MARCHF1: variants seen among roughly 807,000 people sequenced by gnomAD.
The protein encoded by MARCHF1 is membrane associated ring-CH-type finger 1.
In MARCHF1, 40 loss-of-function variants were observed where a neutral mutation model predicts 54.2. The observed-to-expected ratio is 0.74, with a 90% CI of 0.57 to 0.96. The LOEUF (loss-of-function observed/expected upper bound fraction) is 0.96, where lower values mean the gene tolerates loss of function less well. MARCHF1 is among the 40% of genes least tolerant of loss of function. The pLI, the probability that MARCHF1 is intolerant of heterozygous loss-of-function variation, is 0.00. For synonymous variants in MARCHF1, 236 were observed against 236.3 expected (o/e 1.00, Z 0.01); for missense variants, 586 against 656.5 (o/e 0.89, Z 1.17).
intron 4 of MARCHF1, among the ~76,000 whole-genome samples, chr4:163,852,949 G>T (rs1749680271): frequency 6.6e-6 from 1 of 152,050 alleles, no homozygotes; most frequent in African/African-American, 2.4e-5. Context: ...AGAAGCCTGA[G>T]GGAGCTTGTT....
At position 163,526,433 on chromosome 4, in the gene MARCHF1, A is replaced by G. The variant is rs1437691641; in HGVS notation, c.*2315T>C. The G allele has an allele frequency of 6.6e-6, 1 of 152,086 alleles. No homozygotes were observed. Among genetic ancestry groups the G allele is most frequent in the Non-Finnish European group, 1.5e-5 (1 of 67,966 alleles). 9.4% of individuals were successfully genotyped at this position (152,086 alleles called of 1,614,324 possible). On this transcript the variant is annotated 3_prime_UTR_variant, in exon 10 of 10. Transcript: ENST00000514618. ...GGTGTCTGGATGTTTTTCCCCGGGA[A>G]TATCTGTAAGCAGCATGTTGCCATT...
At chr4:163,632,469 CA>C (rs1296209749) in intron 5 of MARCHF1, among the ~76,000 whole-genome samples, 1 of 152,174 alleles carries the variant, frequency 6.6e-6, no homozygotes, top group Admixed American at 6.5e-5. Context: ...CTTTCCTAAT[CA>C]AAGAAAGGGG....
intron 1 of MARCHF1, among the ~76,000 whole-genome samples, chr4:164,196,028 A>G (rs1411872917): frequency 6.6e-6 from 1 of 152,204 alleles, no homozygotes; most frequent in African/African-American, 2.4e-5. Context: ...CATTATATTC[A>G]TGAATGCCTT....
chr4:163,702,060 C>A (rs1353436024), intron 4 of MARCHF1, among the ~76,000 whole-genome samples: 2 of 152,214 alleles, frequency 1.3e-5, no homozygotes, highest in African/African-American at 2.4e-5. Context: ...TGCAAACTGT[C>A]ACTGTGTCAT....
At chr4:163,933,837 C>A (rs888108645) in intron 3 of MARCHF1, among the ~76,000 whole-genome samples, 1 of 152,170 alleles carries the variant, frequency 6.6e-6, no homozygotes, top group African/African-American at 2.4e-5. Flanking sequence ...ATATCTGTGG[C>A]AACAGGGACT....
chr4:163,769,385 A>C (rs1228854958), intron 4 of MARCHF1, among the ~76,000 whole-genome samples: 1 of 152,150 alleles, frequency 6.6e-6, no homozygotes, highest in African/African-American at 2.4e-5. Context: ...TATAAAATTG[A>C]ATGTTTTCCA....
intron 2 of MARCHF1, among the ~76,000 whole-genome samples, chr4:164,033,334 T>G (rs1159225847): frequency 1.3e-5 from 2 of 151,984 alleles, no homozygotes; most frequent in Non-Finnish European, 2.9e-5. Flanking sequence ...AGAAGAAAAC[T>G]GAGGCAATAC....
chr4:163,912,437 T>C lies in MARCHF1; in HGVS notation c.-38-58268A>G, dbSNP rs546363535. Among the ~76,000 whole-genome samples, 3 of 152,260 alleles carry C rather than the reference T, an allele frequency of 2.0e-5. No individual in the cohort carries two copies. In the South Asian group the frequency reaches 6.2e-4, roughly 32 times the overall value. On this transcript the variant is annotated intron_variant, in intron 3 of 9. Transcript: ENST00000514618. ...ATTTATTCAGAGCACTATAGGTAGC[T>C]CCGTGGGATGGGAAGGGAGGGACAC...
At chr4:163,564,776 G>A (rs1739588885) in intron 8 of MARCHF1, among the ~76,000 whole-genome samples, 1 of 152,162 alleles carries the variant, frequency 6.6e-6, no homozygotes, top group Non-Finnish European at 1.5e-5. Context: ...CTTGCTAATA[G>A]TGAGCCAGCA....
chr4:163,685,861 T>C (rs916333024), intron 5 of MARCHF1, among the ~76,000 whole-genome samples: 41 of 152,294 alleles, frequency 2.7e-4, no homozygotes, highest in African/African-American at 8.9e-4. Context: ...TGAAGAAAAG[T>C]CAGAGAGGAT....
chr4:163,652,003 T>C (rs1013869198), intron 5 of MARCHF1, among the ~76,000 whole-genome samples: 4 of 151,818 alleles, frequency 2.6e-5, no homozygotes, highest in African/African-American at 9.7e-5. Flanking sequence ...TGACTCATTC[T>C]GAACTATTTT....
rs532132591 is a variant in MARCHF1, at chr4:163,969,911, AATC to A, written c.-39+18587_-39+18589del. ...CAAAATGATCTAAAGTGTGGAAGAA[AATC>A]ATTGTTTAAATAAGCAGGATTTCTA... On this transcript the variant is annotated intron_variant, in intron 3 of 9. Coordinates refer to ENST00000514618, the MANE Select transcript of MARCHF1 (RefSeq NM_001394959.1). Among the ~76,000 whole-genome samples, 404 of 152,314 alleles carry A rather than the reference AATC, an allele frequency of 2.7e-3. 3 individuals carry two copies. Among genetic ancestry groups the A allele is most frequent in the African/African-American group, 9.4e-3 (390 of 41,560 alleles).
intron 3 of MARCHF1, among the ~76,000 whole-genome samples, chr4:163,968,080 T>C (rs1050119238): frequency 2.0e-5 from 3 of 152,194 alleles, no homozygotes; most frequent in Non-Finnish European, 4.4e-5. Flanking sequence ...TTCCCCTGCA[T>C]TGCTGGCAAT....
intron 2 of MARCHF1, among the ~76,000 whole-genome samples, chr4:163,991,948 G>A (rs991244044): frequency 2.0e-5 from 3 of 150,050 alleles, no homozygotes; most frequent in African/African-American, 7.3e-5. Context: ...AAGAGATTCT[G>A]ATTTGGTGCT....
chr4:164,242,759 T>A (rs576366973), intron 1 of MARCHF1, among the ~76,000 whole-genome samples: 1 of 152,148 alleles, frequency 6.6e-6, no homozygotes, highest in South Asian at 2.1e-4. Flanking sequence ...ATAACTAGAA[T>A]AACCAATACA....
At chr4:163,534,610 T>C (rs962074490) in intron 9 of MARCHF1, among the ~76,000 whole-genome samples, 2 of 152,056 alleles carry the variant, frequency 1.3e-5, no homozygotes, top group African/African-American at 2.4e-5. Context: ...TAAAAGATGT[T>C]AGAAAACAAA....
chr4:164,083,342 A>G (rs1308992645), intron 2 of MARCHF1, among the ~76,000 whole-genome samples: 1 of 152,130 alleles, frequency 6.6e-6, no homozygotes, highest in Non-Finnish European at 1.5e-5. Context: ...TCTCAGACCA[A>G]GTATCATACA....
chr4:163,782,669 C>CAAAAAAAAA (rs779917586), intron 4 of MARCHF1, among the ~76,000 whole-genome samples: 2 of 108,332 alleles, frequency 1.8e-5, no homozygotes, highest in African/African-American at 3.8e-5. Flanking sequence ...ACTCCATCTC[C>CAAAAAAAAA]AAAAAAAAAA....
intron 4 of MARCHF1, among the ~76,000 whole-genome samples, chr4:163,753,763 C>T (rs1746590673): frequency 6.6e-6 from 1 of 152,156 alleles, no homozygotes; most frequent in Non-Finnish European, 1.5e-5. Flanking sequence ...AGTTACAACA[C>T]ACCAAGACTC....
Sources: gnomAD v4.1 joint callset for allele counts (sites outside exome capture counted in the v4.1 genomes callset) on GRCh38, gnomAD v4.1.1 for gene constraint, MANE v1.5 for transcripts, NCBI Gene and HGNC (gene_info 2026-07-23, HGNC 2026-07-21) for gene names.